Variants in EML2 observed in about 807,000 individuals in gnomAD.
EML2 encodes the protein echinoderm microtubule-associated protein-like 2.
A neutral mutation model predicts 84.7 loss-of-function variants in EML2; 59 were observed. The observed-to-expected ratio is 0.70, with a 90% CI of 0.56 to 0.86. The LOEUF (loss-of-function observed/expected upper bound fraction) is 0.86. EML2 is among the 40% of genes least tolerant of loss of function. EML2 has a pLI of 0.00. For missense variants in EML2, 818 were observed against 855.6 expected (o/e 0.96, Z 0.55); for synonymous variants, 352 against 348.9 (o/e 1.01, Z -0.10).
At chr19:45,627,610 C>T (rs895337372) in intron 7 of EML2, among the ~76,000 whole-genome samples, 1 of 152,146 alleles carries the variant, frequency 6.6e-6, no homozygotes, top group Middle Eastern at 3.2e-3. Context: ...GCCAGCGAAG[C>T]ATTATCATCT....
chr19:45,626,973 TTTTC>T, intron 7 of EML2, 134 bp from the exon 8 acceptor site: 1 of 893,628 alleles, frequency 1.1e-6, no homozygotes, highest in Non-Finnish European at 1.6e-6. Flanking sequence ...TTTTTTTTTT[TTTTC>T]AGGGCAGAGT....
rs184799000 is a variant in EML2 at position 45,621,524 on chromosome 19, C to A, written c.955G>T (p.Val319Phe). The A allele has an allele frequency of 2.5e-4, 397 of 1,612,150 alleles. No homozygotes were observed. The East Asian group carries it at 7.0e-3, about 28-fold the overall frequency. ...TTGCTGTAGTCAGAACCCCAGAGGACCACCCGCCGATCACGGCCCCCTCCA... is the reference window on the plus strand; with the variant it reads ...TTGCTGTAGTCAGAACCCCAGAGGAACACCCGCCGATCACGGCCCCCTCCA... ...VSGGGRDRRV[V>F]LWGSDYSKLQ... Residue 319 changes from valine to phenylalanine, a missense_variant, in exon 10 of 19, where the codon GTC becomes TTC. By Grantham distance (50) the Val-to-Phe change is conservative (BLOSUM62 -1). Coordinates refer to ENST00000245925, the MANE Select transcript of EML2 (RefSeq NM_012155.4).
At chr19:45,628,137 C>G (rs1437238248) in intron 7 of EML2, among the ~76,000 whole-genome samples, 1 of 149,068 alleles carries the variant, frequency 6.7e-6, no homozygotes, top group Non-Finnish European at 1.5e-5. Context: ...TTTGGGAGGC[C>G]GAGGCAGGCG....
chr19:45,639,063 C>T, intron 1 of EML2, 190 bp from the exon 2 acceptor site: 1 of 786,642 alleles, frequency 1.3e-6, no homozygotes, highest in Non-Finnish European at 2.3e-6. Flanking sequence ...AAGACACAGG[C>T]CCAGAGAGGC....
Position 45,638,893 on chromosome 19 carries a change from A to T in EML2, c.21-20T>A. 1 of 1,605,402 alleles carries T rather than the reference A, an allele frequency of 6.2e-7. No individual in the cohort carries two copies. Among genetic ancestry groups the T allele is most frequent in the South Asian group, 1.1e-5 (1 of 90,616 alleles). Reference sequence around the variant, plus strand: ...GTTTTGCTGTCAGGAAAGGACAAAGAAAAAAAAAGGGTCTTAGTATTCAGT... The same window carrying T: ...GTTTTGCTGTCAGGAAAGGACAAAGTAAAAAAAAGGGTCTTAGTATTCAGT... On this transcript the variant is annotated intron_variant, in intron 1 of 18. Transcript: ENST00000245925.
At chr19:45,645,362 G>A, upstream of EML2, 1 of 1,526,872 alleles carries the variant, frequency 6.5e-7, no homozygotes, top group Non-Finnish European at 8.7e-7. Flanking sequence ...GCCACCGCCG[G>A]CCCCCCCGGT....
chr19:45,644,702 C>T (rs1347316438), upstream of EML2: 1 of 456,066 alleles, frequency 2.2e-6, no homozygotes, highest in Admixed American at 2.3e-5. Context: ...CTCCTATCTC[C>T]CCTCACCTGA....
At chr19:45,623,081 C>T (rs374705874) in intron 9 of EML2, among the ~76,000 whole-genome samples, 159 of 150,418 alleles carry the variant, frequency 1.1e-3, no homozygotes, top group Middle Eastern at 3.5e-3. Flanking sequence ...GCAGGCTGGC[C>T]GAGTGCGGTG....
At chr19:45,635,844 G>A (rs1204291349) in intron 3 of EML2, among the ~76,000 whole-genome samples, 2 of 151,644 alleles carry the variant, frequency 1.3e-5, no homozygotes, top group Non-Finnish European at 1.5e-5. Context: ...TGCCCACCTC[G>A]GCCTCCCAAA....
At chr19:45,616,222 T>C (rs1232631612) in intron 15 of EML2, 4 of 482,728 alleles carry the variant, frequency 8.3e-6, no homozygotes, top group African/African-American at 2.3e-5. Flanking sequence ...AGGGGCGGTC[T>C]CGGAACGTGA....
chr19:45,640,034 G>A (rs891624716), upstream of EML2: 2 of 152,166 alleles, frequency 1.3e-5, no homozygotes, highest in African/African-American at 4.8e-5. Flanking sequence ...ACCTCCCGGG[G>A]GTAGTTGCGA....
At chr19:45,637,470 A>ATTTTT (rs66503218) in intron 3 of EML2, among the ~76,000 whole-genome samples, 22 of 101,654 alleles carry the variant, frequency 2.2e-4, no homozygotes, top group African/African-American at 7.6e-4. Context: ...ATTATTTTGG[A>ATTTTT]TTTTTTTTTT....
At chr19:45,639,330 G>T (rs199894295) in intron 1 of EML2, 27 bp downstream of exon 1, 9 of 1,343,528 alleles carry the variant, frequency 6.7e-6, no homozygotes, top group South Asian at 2.1e-5. Flanking sequence ...GAGAGGAGAT[G>T]GGGGGTGGTC....
Position 45,621,540 on chromosome 19 carries a change from G to T in EML2, c.939C>A (p.Gly313=), listed in dbSNP as rs372227335. The change falls in exon 10 of 19, where the codon GGC becomes GGA. Residue 313 remains glycine (G), a synonymous_variant. Transcript: ENST00000245925. The part of the protein sequence containing the change: ...LRDGTLVSGG[G]RDRRVVLWGS... ...CCCAGAGGACCACCCGCCGATCACG[G>T]CCCCCTCCAGACACCAGCGTCCCGT... 17 of 1,612,832 alleles carry T rather than the reference G, an allele frequency of 1.1e-5. No individual in the cohort carries two copies. In the African/African-American group the frequency reaches 2.3e-4, roughly 22 times the overall value.
intron 17 of EML2, 123 bp downstream of exon 17, chr19:45,614,482 C>T (rs765333628): frequency 8.7e-5 from 70 of 801,746 alleles, no homozygotes; most frequent in Non-Finnish European, 1.3e-4. Flanking sequence ...AAATACAGCC[C>T]ACATGCAGTA....
At chr19:45,631,869 A>T (rs1478040267) in intron 6 of EML2, among the ~76,000 whole-genome samples, 1 of 132,508 alleles carries the variant, frequency 7.5e-6, no homozygotes, top group Non-Finnish European at 1.6e-5. Flanking sequence ...ACACTAGTAC[A>T]CCCAGCTAAT....
At chr19:45,641,592 C>A (rs1296489494), upstream of EML2, 2 of 1,517,426 alleles carry the variant, frequency 1.3e-6, no homozygotes, top group Admixed American at 2.0e-5. Context: ...ATTTCTCGAC[C>A]ATTTCCTCCC....
chr19:45,621,464 G>A lies in EML2; in HGVS notation c.996+19C>T. 1 of 1,604,356 alleles carries A rather than the reference G, an allele frequency of 6.2e-7. No individual in the cohort carries two copies. Among genetic ancestry groups the A allele is most frequent in the South Asian group, 1.1e-5 (1 of 90,734 alleles). On this transcript the variant is annotated intron_variant, in intron 10 of 18. Coordinates refer to ENST00000245925, the MANE Select transcript of EML2 (RefSeq NM_012155.4). ...GGGGGGCCTCTCTACCCCCATCTGAGCCCACTGCCCCTCCTCACCTCCACT... is the reference window on the plus strand; with the variant it reads ...GGGGGGCCTCTCTACCCCCATCTGAACCCACTGCCCCTCCTCACCTCCACT...
chr19:45,623,059 AAGAG>A (rs1311805525), intron 9 of EML2, among the ~76,000 whole-genome samples: 14 of 147,650 alleles, frequency 9.5e-5, no homozygotes, highest in African/African-American at 2.5e-4. Context: ...AAAAAAAAAA[AAGAG>A]AGAGAGCGCA....
Sources: gnomAD v4.1 joint callset for allele counts (sites outside exome capture counted in the v4.1 genomes callset) on GRCh38, gnomAD v4.1.1 for gene constraint, MANE v1.5 for transcripts, NCBI Gene and HGNC (gene_info 2026-07-23, HGNC 2026-07-21) for gene names.